NOX3: variants seen among roughly 807,000 people sequenced by gnomAD.
The protein encoded by NOX3 is NADPH oxidase 3.
In NOX3, 74 loss-of-function variants were observed where a neutral mutation model predicts 76.7. That is an observed-to-expected ratio of 0.96 (90% CI 0.80 to 1.17). The LOEUF is 1.17. Ranked by LOEUF, NOX3 falls within the 50% of genes most tolerant of loss-of-function variation. NOX3 has a pLI of 0.00. For missense variants in NOX3, 695 were observed against 703.3 expected, an observed-to-expected ratio of 0.99 and a Z score of 0.13; for synonymous variants, 263 against 261.1, an observed-to-expected ratio of 1.01 and a Z score of -0.07.
intron 10 of NOX3, among the ~76,000 whole-genome samples, chr6:155,418,348 T>C (rs773474083): frequency 2.6e-5 from 4 of 152,184 alleles, no homozygotes; most frequent in Non-Finnish European, 4.4e-5. Flanking sequence ...GCTTCCTCCA[T>C]ATTGCATCAC....
intron 1 of NOX3, 34 bp downstream of exon 1, chr6:155,455,719 A>T: frequency 6.5e-7 from 1 of 1,533,580 alleles, no homozygotes; most frequent in East Asian, 2.3e-5. Context: ...TTCAATCTAT[A>T]TATTTAAAGT....
At chr6:155,444,494 C>G (rs1777035036) in intron 4 of NOX3, among the ~76,000 whole-genome samples, 1 of 152,116 alleles carries the variant, frequency 6.6e-6, no homozygotes, top group South Asian at 2.1e-4. Flanking sequence ...CAAAGGGAAG[C>G]CATCAGGTGC....
At chr6:155,446,422 C>T (rs1777065584) in intron 4 of NOX3, among the ~76,000 whole-genome samples, 2 of 152,142 alleles carry the variant, frequency 1.3e-5, no homozygotes, top group Non-Finnish European at 1.5e-5. Context: ...TGAATATTTA[C>T]TATACAACAG....
At chr6:155,403,792 C>T (rs1431876795) in intron 12 of NOX3, among the ~76,000 whole-genome samples, 4 of 152,120 alleles carry the variant, frequency 2.6e-5, no homozygotes, top group Admixed American at 2.0e-4. Flanking sequence ...TTGTGCAAAC[C>T]CAGTTTTATC....
chr6:155,428,971 A>G lies in NOX3; in HGVS notation c.968T>C (p.Ile323Thr), dbSNP rs763098589. The G allele has an allele frequency of 1.4e-5, 23 of 1,613,824 alleles. No individual in the cohort carries two copies. The Admixed American group carries it at 2.8e-4, about 20-fold the overall frequency. Residue 323 changes from isoleucine to threonine, a missense_variant, in exon 9 of 14, where the codon ATC becomes ACC. Transcript: ENST00000159060. Reference protein sequence around the residue: ...RGFKMAPGQYILVQCPAISSL... With the variant: ...RGFKMAPGQYTLVQCPAISSL... ...AGATATGGCTGGGCACTGCACCAAG[A>G]TGTACTGCCCTGGCGCCATTTTAAA...
intron 5 of NOX3, among the ~76,000 whole-genome samples, chr6:155,440,744 A>G (rs1276074072): frequency 1.3e-5 from 2 of 152,198 alleles, no homozygotes; most frequent in Non-Finnish European, 2.9e-5. Flanking sequence ...TGAAAAGAGC[A>G]TTTTAAGATA....
chr6:155,415,868 G>A (rs998270906), intron 10 of NOX3, among the ~76,000 whole-genome samples: 12 of 152,206 alleles, frequency 7.9e-5, no homozygotes, highest in African/African-American at 2.9e-4. Flanking sequence ...TTTGTCATTT[G>A]GAGGAGCTTA....
At chr6:155,444,369 C>T (rs1777033705) in intron 4 of NOX3, among the ~76,000 whole-genome samples, 2 of 152,212 alleles carry the variant, frequency 1.3e-5, no homozygotes, top group Non-Finnish European at 2.9e-5. Context: ...CAGTAGCCCT[C>T]TTGGTTATCA....
chr6:155,438,746 C>T (rs1332032739), intron 6 of NOX3, among the ~76,000 whole-genome samples: 8 of 152,236 alleles, frequency 5.3e-5, no homozygotes, highest in East Asian at 1.9e-4. Flanking sequence ...TGCAGCTATG[C>T]GCTTGCTCTT....
intron 10 of NOX3, among the ~76,000 whole-genome samples, chr6:155,412,195 C>T (rs1776560397): frequency 6.6e-6 from 1 of 152,116 alleles, no homozygotes; most frequent in Non-Finnish European, 1.5e-5. Flanking sequence ...ATCTGTATGG[C>T]TTAACAATAT....
chr6:155,402,925 A>T (rs996483447), intron 12 of NOX3, among the ~76,000 whole-genome samples: 9 of 152,240 alleles, frequency 5.9e-5, no homozygotes, highest in Non-Finnish European at 1.3e-4. Flanking sequence ...GCCAAAAGAT[A>T]TGAGCTAACG....
intron 9 of NOX3, among the ~76,000 whole-genome samples, chr6:155,428,388 C>G (rs1162601562): frequency 6.6e-6 from 1 of 152,014 alleles, no homozygotes; most frequent in Non-Finnish European, 1.5e-5. Flanking sequence ...GAAGAGGACA[C>G]AGAAACATAG....
chr6:155,431,555 A>G (rs1776835447), intron 7 of NOX3, among the ~76,000 whole-genome samples: 1 of 152,174 alleles, frequency 6.6e-6, no homozygotes, highest in Admixed American at 6.5e-5. Context: ...GATGGTGAAA[A>G]TGTCCATTTT....
intron 4 of NOX3, among the ~76,000 whole-genome samples, chr6:155,445,923 A>AATATATATGCTATAGATATATAAT (rs1562472052): frequency 2.4e-4 from 29 of 121,900 alleles, no homozygotes; most frequent in South Asian, 9.0e-4. Flanking sequence ...ATAGATATAT[A>AATATATATGCTATAGATATATAAT]ATATATATGC....
intron 4 of NOX3, among the ~76,000 whole-genome samples, chr6:155,447,611 T>C (rs1777080575): frequency 6.6e-6 from 1 of 152,240 alleles, no homozygotes; most frequent in African/African-American, 2.4e-5. Context: ...CCAGTATTTG[T>C]CACACACTTT....
At chr6:155,428,681 C>G in intron 9 of NOX3, 113 bp downstream of exon 9, 5 of 1,064,236 alleles carry the variant, frequency 4.7e-6, no homozygotes, top group Non-Finnish European at 6.4e-6. Context: ...TAGACACAGT[C>G]TCAAACTCAC....
chr6:155,403,769 T>C (rs1205654679), intron 12 of NOX3, among the ~76,000 whole-genome samples: 1 of 152,196 alleles, frequency 6.6e-6, no homozygotes, highest in Non-Finnish European at 1.5e-5. Flanking sequence ...TTACATAATT[T>C]TCTAGGCAGA....
At position 155,430,897 on chromosome 6, in the gene NOX3, T is replaced by C. The variant is rs1383249358; in HGVS notation, c.837A>G (p.Ala279=). Residue 279 remains alanine (A), a synonymous_variant, in exon 8 of 14, where the codon GCA becomes GCG. Coordinates refer to ENST00000159060, the MANE Select transcript of NOX3 (RefSeq NM_015718.3). ...GCCAGAACCTAATTATTCTTTCACA[T>C]GCATACAAGACCACAGGGCCTAAAA... is the stretch of plus-strand genomic sequence containing the variant. ...KWILGPVVLY[A]CERIIRFWRF... is the part of the protein sequence containing the mutation. The C allele has an allele frequency of 6.2e-7, 1 of 1,613,496 alleles. No individual in the cohort carries two copies. The highest frequency in any genetic ancestry group is 8.5e-7 in the Non-Finnish European group (1 of 1,179,618).
chr6:155,400,012 C>T (rs991551852), intron 12 of NOX3, among the ~76,000 whole-genome samples: 1 of 152,184 alleles, frequency 6.6e-6, no homozygotes, highest in African/African-American at 2.4e-5. Flanking sequence ...AAATTTTACA[C>T]AAGCTGCAAA....
Sources: gnomAD v4.1 joint callset for allele counts (sites outside exome capture counted in the v4.1 genomes callset) on GRCh38, gnomAD v4.1.1 for gene constraint, MANE v1.5 for transcripts, NCBI Gene and HGNC (gene_info 2026-07-23, HGNC 2026-07-21) for gene names.